Variants in EFCAB6 observed in about 807,000 individuals in gnomAD.
The protein encoded by EFCAB6 is EF-hand calcium-binding domain-containing protein 6.
EFCAB6 carries 156 observed loss-of-function variants against 169.8 expected under a neutral mutation model. The observed-to-expected ratio is 0.92, with a 90% CI of 0.81 to 1.05. EFCAB6 has a LOEUF of 1.05. Among genes scored for constraint, EFCAB6 ranks in the 50% least tolerant of loss-of-function variants. The pLI is 0.00. For synonymous variants in EFCAB6, 698 were observed against 676.4 expected, an observed-to-expected ratio of 1.03 and a Z score of -0.50; for missense variants, 1,800 against 1,829.1, an observed-to-expected ratio of 0.98 and a Z score of 0.29.
intron 8 of EFCAB6, among the ~76,000 whole-genome samples, chr22:43,718,894 G>A (rs1249696725): frequency 2.0e-5 from 3 of 152,160 alleles, no homozygotes; most frequent in African/African-American, 7.2e-5. Context: ...GAGCTGCAAG[G>A]GCCCTCGCTG....
chr22:43,536,498 G>A (rs946744018), intron 29 of EFCAB6: 1 of 152,146 alleles, frequency 6.6e-6, no homozygotes, highest in African/African-American at 2.4e-5. Context: ...AAAAGCCAAG[G>A]AGTGACATGG....
In EFCAB6 at chr22:43,635,151, G is replaced by A; in HGVS notation, c.2049C>T (p.Gly683=). 2 of 1,614,140 alleles carry A rather than the reference G, an allele frequency of 1.2e-6. No homozygotes were observed. The highest frequency in any genetic ancestry group is 8.5e-7 in the Non-Finnish European group (1 of 1,180,036). The change falls in exon 18 of 32, where the codon GGC becomes GGT. Residue 683 remains glycine, a synonymous_variant. Coordinates refer to ENST00000262726, the MANE Select transcript of EFCAB6 (RefSeq NM_022785.4). ...DQYALLTTKI[G]FEKEGMSYLD... ...GATAGCTCATCCCTTCCTTCTCGAA[G>A]CCTATTTTAGTGGTCAGCAGGGCAT...
chr22:43,727,848 G>A (rs996078929), intron 8 of EFCAB6, among the ~76,000 whole-genome samples: 3 of 151,670 alleles, frequency 2.0e-5, no homozygotes, highest in African/African-American at 4.8e-5. Flanking sequence ...AGCATGGCTC[G>A]TACATCCTTG....
intron 10 of EFCAB6, among the ~76,000 whole-genome samples, chr22:43,704,072 A>C (rs971092610): frequency 6.6e-6 from 1 of 152,170 alleles, no homozygotes; most frequent in Non-Finnish European, 1.5e-5. Flanking sequence ...ACAACATAAT[A>C]ATCAAACTAT....
chr22:43,555,108 A>C lies in EFCAB6; in HGVS notation c.3421-12T>G, dbSNP rs762928475. On this transcript the variant is annotated splice_polypyrimidine_tract_variant and intron_variant, in intron 26 of 31. Transcript: ENST00000262726. ...CACTCATCAGCTGTCTGGACAAAAT[A>C]GAATGGAAATTGATCCATGTGAGAA... 9.3e-6 allele frequency: 15 copies of C among 1,613,802 alleles called. No homozygotes were observed. The African/African-American group carries it at 1.7e-4, about 19-fold the overall frequency.
chr22:43,537,635 C>A lies in EFCAB6; in HGVS notation c.3880-90G>T. ...CCTCAATACCTCCAGTTTTGAGGTT[C>A]ACAATTTTAGAGGCAGAATTAGCCC... On this transcript the variant is annotated intron_variant, in intron 28 of 31. Coordinates refer to ENST00000262726, the MANE Select transcript of EFCAB6 (RefSeq NM_022785.4). The surrounding 1 kb of genome is among the most constrained non-coding windows in gnomAD (Gnocchi z 4.3). The A allele has an allele frequency of 7.1e-7, 1 of 1,410,702 alleles. No individual in the cohort carries two copies. The highest frequency in any genetic ancestry group is 9.4e-7 in the Non-Finnish European group (1 of 1,061,584). The allele number at this position is 1,410,702 out of a possible 1,614,324, so 87.4% of individuals were successfully genotyped here. A position where few individuals can be genotyped will look rare whatever the true frequency, so the allele number is the denominator to read the frequency against.
intron 25 of EFCAB6, among the ~76,000 whole-genome samples, chr22:43,580,080 C>T (rs1309297835): frequency 2.0e-5 from 3 of 152,200 alleles, no homozygotes; most frequent in Non-Finnish European, 4.4e-5. Flanking sequence ...AGTCTCTGTG[C>T]CACAACCTGG....
chr22:43,587,194 C>T (rs1004676330), intron 24 of EFCAB6, among the ~76,000 whole-genome samples: 7 of 152,262 alleles, frequency 4.6e-5, no homozygotes, highest in Admixed American at 1.3e-4. Flanking sequence ...GGTGCCTGTC[C>T]CTCCCAACCC....
chr22:43,568,607 C>T (rs1003965435), intron 26 of EFCAB6, among the ~76,000 whole-genome samples: 1 of 152,072 alleles, frequency 6.6e-6, no homozygotes, highest in Non-Finnish European at 1.5e-5. Context: ...GGCGGGAGTG[C>T]TCTGAGGATG....
chr22:43,671,994 A>C lies in EFCAB6; in HGVS notation c.1619T>G (p.Leu540Ter). The C allele has an allele frequency of 1.2e-6, 2 of 1,613,112 alleles. No homozygotes were observed. The highest frequency in any genetic ancestry group is 1.7e-6 in the Non-Finnish European group (2 of 1,179,822). The change falls in exon 15 of 32, where the codon TTA becomes TGA. Residue 540 changes from leucine (L) to a stop codon, truncating the protein, a stop_gained. Transcript: ENST00000262726. LOFTEE classifies it high-confidence loss of function. ...TTACTTTATGAAATGTGCATTCGTT[A>C]AAAATGGACAGAAGACGTGCATGAT... ...KKIMHVFCPF[L>*]TNAHFIKLCS...
In EFCAB6 at chr22:43,772,882, C is replaced by T. The variant is rs1190130512; in HGVS notation, c.351+10G>A. 7.4e-6 allele frequency: 12 copies of T among 1,613,980 alleles called. No homozygotes were observed. Among genetic ancestry groups the T allele is most frequent in the Non-Finnish European group, 1.0e-5 (12 of 1,179,978 alleles). On this transcript the variant is annotated intron_variant, in intron 4 of 31. Transcript: ENST00000262726. ...ATTGAGGGATTCTAAGTATGTACAA[C>T]ATACAGCACCTGAGCCAACACGTCC...
chr22:43,747,125 C>G (rs2060593325), intron 6 of EFCAB6, among the ~76,000 whole-genome samples: 1 of 152,210 alleles, frequency 6.6e-6, no homozygotes, highest in Non-Finnish European at 1.5e-5. Flanking sequence ...TTGCCAAGAG[C>G]CTAGCCAGCC....
rs1294160781 is a variant in EFCAB6, at chr22:43,529,072, T to C, written c.4384-97A>G. On this transcript the variant is annotated intron_variant, in intron 31 of 31. Coordinates refer to ENST00000262726, the MANE Select transcript of EFCAB6 (RefSeq NM_022785.4). ...GGGGCTGGGGGACACATCCACCTGA[T>C]CCCCAACCCCACTTCCGATGTCAGC... is the stretch of plus-strand genomic sequence containing the variant. 4.5e-6 allele frequency: 6 copies of C among 1,343,088 alleles called. No individual in the cohort carries two copies. The African/African-American group carries it at 5.8e-5, about 13-fold the overall frequency. The allele number at this position is 1,343,088 out of a possible 1,614,324, so 83.2% of individuals were successfully genotyped here.
rs1242249826 is a variant in EFCAB6 at position 43,590,096 on chromosome 22, C to T, written c.3010G>A (p.Glu1004Lys). 1.9e-5 allele frequency: 30 copies of T among 1,613,930 alleles called. No individual in the cohort carries two copies. Among genetic ancestry groups the T allele is most frequent in the Non-Finnish European group, 2.3e-5 (27 of 1,179,924 alleles). The change falls in exon 24 of 32, where the codon GAG becomes AAG. Residue 1004 changes from glutamate (E) to lysine (K), a missense_variant. Coordinates refer to ENST00000262726, the MANE Select transcript of EFCAB6 (RefSeq NM_022785.4). ...EECGCSLTEG[E>K]LTHLLNSWGV... The stretch of plus-strand genomic sequence containing the variant: ...GACCTGTTTAGCAGATGGGTCAGCT[C>T]CCCTTCGGTAAGAGAACATCCACAT...
chr22:43,655,400 T>C (rs2056684314), intron 17 of EFCAB6, among the ~76,000 whole-genome samples: 1 of 151,178 alleles, frequency 6.6e-6, no homozygotes, highest in African/African-American at 2.5e-5. Flanking sequence ...TTGACAACAG[T>C]AACACAGGCT....
In EFCAB6 at chr22:43,555,081, C is replaced by T. The variant is rs1388760805; in HGVS notation, c.3436G>A (p.Ala1146Thr). 2.5e-6 allele frequency: 4 copies of T among 1,614,188 alleles called. No homozygotes were observed. The highest frequency in any genetic ancestry group is 3.4e-6 in the Non-Finnish European group (4 of 1,180,034). ...CFLEETADEW[A>T]EKMPKGPPPT... ...GGCGGGCCTTTGGGCATTTTCTCAG[C>T]CCACTCATCAGCTGTCTGGACAAAA... The change falls in exon 27 of 32, where the codon GCT (alanine) becomes ACT (threonine). Residue 1146 changes from alanine to threonine, a missense_variant. Transcript: ENST00000262726.
chr22:43,701,897 A>G (rs954906757), intron 10 of EFCAB6, among the ~76,000 whole-genome samples: 4 of 152,166 alleles, frequency 2.6e-5, no homozygotes, highest in Admixed American at 6.5e-5. Flanking sequence ...GGGAAATAAC[A>G]GGCTAAGAAA....
intron 5 of EFCAB6, among the ~76,000 whole-genome samples, chr22:43,757,293 A>G (rs1371856906): frequency 6.6e-6 from 1 of 152,230 alleles, no homozygotes; most frequent in East Asian, 1.9e-4. Context: ...CACGCCTGTA[A>G]TCCCAGCACT....
At chr22:43,781,314 G>C (rs1020498109) in intron 3 of EFCAB6, among the ~76,000 whole-genome samples, 1 of 152,088 alleles carries the variant, frequency 6.6e-6, no homozygotes, top group Non-Finnish European at 1.5e-5. Flanking sequence ...AGGCAACCAA[G>C]ATGTCTATTT....
Sources: allele counts gnomAD v4.1 joint callset (sites outside exome capture counted in the v4.1 genomes callset), GRCh38; gene constraint gnomAD v4.1.1; non-coding constraint Gnocchi (gnomAD v3.1); transcripts MANE v1.5; gene names NCBI Gene and HGNC (gene_info 2026-07-23, HGNC 2026-07-21).